CRLF2: variants seen among roughly 807,000 people sequenced by gnomAD.
The protein encoded by CRLF2 is cytokine receptor-like factor 2.
Under a neutral mutation model 38.7 loss-of-function variants are expected in CRLF2, and 41 were observed. The ratio of observed to expected loss-of-function variants is 1.06; its 90% CI spans 0.83 to 1.37. CRLF2 has a LOEUF of 1.37. Ranked by LOEUF, CRLF2 falls within the 40% of genes most tolerant of loss-of-function variation. The pLI is 0.00. For synonymous variants in CRLF2, 140 were observed against 128.8 expected, an observed-to-expected ratio of 1.09 and a Z score of -0.59; for missense variants, 377 against 322.2, an observed-to-expected ratio of 1.17 and a Z score of -1.30.
rs1269390982 is a variant in CRLF2 at position 1,196,824 on chromosome X, A to C, written c.723T>G (p.Leu241=). The change falls in exon 6 of 8, where the codon CTT becomes CTG. Residue 241 remains leucine (L), a synonymous_variant. Transcript: ENST00000400841. ...KFILISSLAI[L]LMVSLLLLSL... ...ACAGAAGGAGGAGAGACACCATCAG[A>C]AGGATGGCCAGGCTGGAAATTAAAA... The C allele has an allele frequency of 3.1e-6, 5 of 1,613,028 alleles. No individual in the cohort carries two copies. Among genetic ancestry groups the C allele is most frequent in the Admixed American group, 1.7e-5 (1 of 59,918 alleles).
At chrX:1,196,929 G>GT in intron 5 of CRLF2, 29 bp from the exon 6 acceptor site, 1 of 1,608,650 alleles carries the variant, frequency 6.2e-7, no homozygotes, top group Non-Finnish European at 8.5e-7. Flanking sequence ...GCGGCTGTCA[G>GT]TTTTCAACAT....
chrX:1,198,114 A>C (rs1173168507), intron 5 of CRLF2, among the ~76,000 whole-genome samples: 8 of 151,974 alleles, frequency 5.3e-5, no homozygotes, highest in Non-Finnish European at 5.9e-5. Flanking sequence ...GCTTGCTCAG[A>C]CACACCCTCC....
intron 7 of CRLF2, among the ~76,000 whole-genome samples, chrX:1,192,116 A>G (rs1356197504): frequency 6.9e-6 from 1 of 145,098 alleles, no homozygotes; most frequent in East Asian, 2.2e-4. Context: ...GAGGCAGGAG[A>G]ATGGCGTGAA....
At chrX:1,192,838 G>C (rs1259745216) in intron 7 of CRLF2, among the ~76,000 whole-genome samples, 4 of 131,432 alleles carry the variant, frequency 3.0e-5, no homozygotes, top group Non-Finnish European at 6.2e-5. Context: ...TTTCTTGACA[G>C]AGTCTCACTC....
intron 7 of CRLF2, among the ~76,000 whole-genome samples, chrX:1,191,573 C>T (rs1479265351): frequency 3.3e-5 from 5 of 151,238 alleles, no homozygotes; most frequent in African/African-American, 1.2e-4. Flanking sequence ...CTCTTGTTTC[C>T]CAGGCTGGAG....
intron 1 of CRLF2, 41 bp downstream of exon 1, chrX:1,212,515 C>G (rs2086823109): frequency 6.6e-7 from 1 of 1,509,304 alleles, no homozygotes; most frequent in African/African-American, 1.4e-5. Context: ...AAGCAAACCA[C>G]AAACCAAAAT....
At chrX:1,201,537 T>TAGAGAGATAGATAGATGAA (rs2086607355) in intron 4 of CRLF2, among the ~76,000 whole-genome samples, 1 of 147,922 alleles carries the variant, frequency 6.8e-6, no homozygotes, top group African/African-American at 2.5e-5. Context: ...AGATAGATGA[T>TAGAGAGATAGATAGATGAA]ACATAGATGA....
chrX:1,191,295 C>CTCTCTCTTTCTT (rs2086368952), intron 7 of CRLF2, 135 bp from the exon 8 acceptor site: 1 of 318,742 alleles, frequency 3.1e-6, no homozygotes, highest in Non-Finnish European at 5.3e-6. Context: ...CTTTTCTTTT[C>CTCTCTCTTTCTT]TCTTTCTTTC....
intron 7 of CRLF2, among the ~76,000 whole-genome samples, chrX:1,192,062 G>A (rs1388232901): frequency 7.2e-4 from 107 of 149,018 alleles, no homozygotes; most frequent in African/African-American, 1.5e-3. Flanking sequence ...AAAATCAGCC[G>A]GGTGTGGTGG....
At chrX:1,206,383 A>T (rs2086691152) in intron 3 of CRLF2, 50 bp downstream of exon 3, 1 of 1,532,738 alleles carries the variant, frequency 6.5e-7, no homozygotes, top group Non-Finnish European at 9.0e-7. Flanking sequence ...TGTGGTAATA[A>T]GCTGAAGGAA....
At chrX:1,196,728 G>A in intron 6 of CRLF2, 52 bp downstream of exon 6, 2 of 1,598,248 alleles carry the variant, frequency 1.3e-6, no homozygotes, top group Non-Finnish European at 8.5e-7. Flanking sequence ...GTACTTCACA[G>A]ACATTGTGCA....
chrX:1,207,631 T>C (rs1177025237), intron 2 of CRLF2, among the ~76,000 whole-genome samples: 1 of 149,558 alleles, frequency 6.7e-6, no homozygotes, highest in Non-Finnish European at 1.5e-5. Context: ...ATCCAGCACT[T>C]TTTTTTTTCT....
chrX:1,205,765 G>A (rs1188047143), intron 3 of CRLF2, among the ~76,000 whole-genome samples: 1 of 151,994 alleles, frequency 6.6e-6, no homozygotes, highest in Non-Finnish European at 1.5e-5. Context: ...GCTGAAGGAA[G>A]TACTGAAAAG....
Position 1,191,346 on chromosome X carries a change from C to CTT in CRLF2, c.853-188_853-187dup, listed in dbSNP as rs1491422134. Among the ~76,000 whole-genome samples the CTT allele has an allele frequency of 3.4e-4, 15 of 44,736 alleles. 1 individual carries two copies. The highest frequency in any genetic ancestry group is 7.2e-4 in the Admixed American group (3 of 4,188). 29.3% of individuals were successfully genotyped at this position (44,736 alleles called of 152,430 possible). On this transcript the variant is annotated intron_variant, in intron 7 of 7. Transcript: ENST00000400841. ...CTTTCTTTCTTTCTTTCTTTCTTTC[C>CTT]TTCTTTCTTTCTTTCCTTTCTTTCT... is the stretch of plus-strand genomic sequence containing the variant.
chrX:1,202,871 G>A (rs2147842476), intron 3 of CRLF2, among the ~76,000 whole-genome samples: 1 of 152,060 alleles, frequency 6.6e-6, no homozygotes, highest in East Asian at 1.9e-4. Flanking sequence ...TCCTTTAGAA[G>A]GCCGAGGCGG....
intron 1 of CRLF2, among the ~76,000 whole-genome samples, chrX:1,209,546 T>G (rs188430506): frequency 0.024 from 3,604 of 151,582 alleles, 144 homozygotes; most frequent in African/African-American, 0.083. Flanking sequence ...TTAGCCAGGA[T>G]GGTCTCGATC....
At chrX:1,209,209 C>T (rs2086745795) in intron 1 of CRLF2, among the ~76,000 whole-genome samples, 1 of 151,828 alleles carries the variant, frequency 6.6e-6, no homozygotes, top group Non-Finnish European at 1.5e-5. Flanking sequence ...CCTCATGATC[C>T]ACCCGCCTCG....
At chrX:1,206,376 G>C (rs1603398941) in intron 3 of CRLF2, 57 bp downstream of exon 3, 3 of 1,489,076 alleles carry the variant, frequency 2.0e-6, no homozygotes. Context: ...CAGTCCTTGT[G>C]GTAATAAGCT....
intron 3 of CRLF2, among the ~76,000 whole-genome samples, chrX:1,205,579 G>A (rs776220308): frequency 6.6e-6 from 1 of 152,240 alleles, no homozygotes; most frequent in East Asian, 1.9e-4. Context: ...AAAGCATGTT[G>A]AGCTTGCTTT....
Sources: allele counts gnomAD v4.1 joint callset (sites outside exome capture counted in the v4.1 genomes callset), GRCh38; gene constraint gnomAD v4.1.1; transcripts MANE v1.5; gene names NCBI Gene and HGNC (gene_info 2026-07-23, HGNC 2026-07-21).